DENND1A: variants seen among roughly 807,000 people sequenced by gnomAD.
The protein encoded by DENND1A is DENN domain-containing protein 1A.
Under a neutral mutation model 113.7 loss-of-function variants are expected in DENND1A, and 51 were observed. That is an observed-to-expected ratio of 0.45 (90% CI 0.36 to 0.57). The LOEUF (loss-of-function observed/expected upper bound fraction) is 0.57, where lower values mean the gene tolerates loss of function less well. DENND1A is among the 20% of genes least tolerant of loss of function. The probability of loss-of-function intolerance (pLI) is 0.00; values close to 1 mark genes in which losing one functional copy is unlikely to be tolerated. For missense variants in DENND1A, 1,258 were observed against 1,395.9 expected (o/e 0.90, Z 1.57); for synonymous variants, 565 against 570.8 (o/e 0.99, Z 0.14).
At chr9:123,533,512 C>T (rs1211110215) in intron 13 of DENND1A, among the ~76,000 whole-genome samples, 1 of 152,174 alleles carries the variant, frequency 6.6e-6, no homozygotes, top group Non-Finnish European at 1.5e-5. Flanking sequence ...CCATTTGCTG[C>T]ACATCCATGG....
chr9:123,402,517 T>TC, intron 21 of DENND1A: 2 of 534,736 alleles, frequency 3.7e-6, no homozygotes, highest in South Asian at 2.8e-5. Context: ...CATGGGGGCC[T>TC]CCCCCTTTCC....
chr9:123,678,626 A>G (rs2064245834), intron 5 of DENND1A, among the ~76,000 whole-genome samples: 1 of 152,382 alleles, frequency 6.6e-6, no homozygotes, highest in African/African-American at 2.4e-5. Flanking sequence ...GGCAACAAAG[A>G]GAACAGATAA....
At chr9:123,426,106 G>A (rs1015187102) in intron 19 of DENND1A, among the ~76,000 whole-genome samples, 4 of 152,208 alleles carry the variant, frequency 2.6e-5, no homozygotes, top group Non-Finnish European at 4.4e-5. Flanking sequence ...GCCTAGCTGT[G>A]GTCAGGGTGG....
chr9:123,494,525 G>T lies in DENND1A; in HGVS notation c.994-36628C>A, dbSNP rs538145084. 1.6e-3 allele frequency among the ~76,000 whole-genome samples: 236 copies of T among 152,250 alleles called. 1 individual carries two copies. Among genetic ancestry groups the T allele is most frequent in the African/African-American group, 5.6e-3 (232 of 41,544 alleles). ...TTTTCCAGAGCCTCTTAGGAGCCTT[G>T]GTCAGGGGTGGCTCAAGGTTACAGA... On this transcript the variant is annotated intron_variant, in intron 13 of 23. Coordinates refer to ENST00000394215, the MANE Select transcript of DENND1A (RefSeq NM_001352964.2).
At chr9:123,658,345 C>G (rs1401726189) in intron 8 of DENND1A, among the ~76,000 whole-genome samples, 1 of 152,268 alleles carries the variant, frequency 6.6e-6, no homozygotes, top group African/African-American at 2.4e-5. Context: ...ATTATTACTA[C>G]ATAACTGTTC....
chr9:123,546,949 A>G (rs535933149), intron 13 of DENND1A, among the ~76,000 whole-genome samples: 1 of 152,358 alleles, frequency 6.6e-6, no homozygotes, highest in African/African-American at 2.4e-5. Flanking sequence ...GATTGATCAT[A>G]GTGTTTAAGT....
chr9:123,748,419 C>A (rs924177213), intron 5 of DENND1A, among the ~76,000 whole-genome samples: 1 of 152,112 alleles, frequency 6.6e-6, no homozygotes, highest in African/African-American at 2.4e-5. Context: ...GTAGAGTCTT[C>A]AAACTTCTTC....
At chr9:123,637,866 T>A (rs2061786116) in intron 9 of DENND1A, among the ~76,000 whole-genome samples, 1 of 151,916 alleles carries the variant, frequency 6.6e-6, no homozygotes, top group African/African-American at 2.4e-5. Context: ...GAACTCATCT[T>A]ACTTTTTTCC....
intron 6 of DENND1A, among the ~76,000 whole-genome samples, chr9:123,673,527 T>C (rs1027825896): frequency 1.3e-5 from 2 of 152,236 alleles, no homozygotes; most frequent in Non-Finnish European, 2.9e-5. Context: ...AATCAGGTTA[T>C]TTCTTCAATG....
intron 13 of DENND1A, among the ~76,000 whole-genome samples, chr9:123,533,342 G>T (rs1023823611): frequency 1.3e-5 from 2 of 152,188 alleles, no homozygotes; most frequent in Admixed American, 6.5e-5. Context: ...AAATAAAAAG[G>T]CACAAATTCA....
chr9:123,869,697 T>C lies in DENND1A; in HGVS notation c.88+9254A>G, dbSNP rs1009129466. ...AGTGAGTGGCAATTTGTCCCAACTA[T>C]AGTATCAAGAATCAGGGTCCAGGCC... On this transcript the variant is annotated intron_variant, in intron 2 of 23. Transcript: ENST00000394215. Among the ~76,000 whole-genome samples the C allele has an allele frequency of 3.3e-5, 5 of 152,164 alleles. 1 individual carries two copies. The South Asian group carries it at 1.0e-3, about 32-fold the overall frequency.
At chr9:123,466,281 G>A (rs986001093) in intron 13 of DENND1A, among the ~76,000 whole-genome samples, 2 of 152,082 alleles carry the variant, frequency 1.3e-5, no homozygotes, top group African/African-American at 2.4e-5. Context: ...ACAAGCATGA[G>A]CCACCGTGCC....
intron 1 of DENND1A, among the ~76,000 whole-genome samples, chr9:123,889,497 T>TA (rs1156540982): frequency 2.6e-5 from 4 of 152,254 alleles, no homozygotes; most frequent in Non-Finnish European, 4.4e-5. Flanking sequence ...ATACCGTCAC[T>TA]AAAAGCAATC....
At chr9:123,834,894 T>C (rs1222434270) in intron 2 of DENND1A, among the ~76,000 whole-genome samples, 1 of 152,218 alleles carries the variant, frequency 6.6e-6, no homozygotes, top group African/African-American at 2.4e-5. Context: ...TTCCATGTTT[T>C]AACACATTTA....
chr9:123,884,660 T>G (rs1485665677), intron 1 of DENND1A, among the ~76,000 whole-genome samples: 1 of 152,118 alleles, frequency 6.6e-6, no homozygotes, highest in Non-Finnish European at 1.5e-5. Context: ...ACTTACTGCT[T>G]CCTATGTGCC....
intron 6 of DENND1A, among the ~76,000 whole-genome samples, chr9:123,672,886 C>T (rs555234232): frequency 1.3e-5 from 2 of 152,198 alleles, no homozygotes; most frequent in Admixed American, 1.3e-4. Flanking sequence ...GAAATTAACA[C>T]TGATGCAGAA....
chr9:123,664,717 A>C (rs896429718), intron 8 of DENND1A, among the ~76,000 whole-genome samples: 1 of 152,202 alleles, frequency 6.6e-6, no homozygotes, highest in Non-Finnish European at 1.5e-5. Context: ...AAATAGATGA[A>C]TATTTTTAAA....
chr9:123,772,402 A>T (rs1356144774), intron 3 of DENND1A, among the ~76,000 whole-genome samples: 1 of 152,202 alleles, frequency 6.6e-6, no homozygotes, highest in Non-Finnish European at 1.5e-5. Context: ...GTCATTAACC[A>T]GTTACCAACC....
rs182498595 is a variant in DENND1A at position 123,421,460 on chromosome 9, G to A, written c.1489-9631C>T. Among the ~76,000 whole-genome samples, 56 of 152,132 alleles carry A rather than the reference G, an allele frequency of 3.7e-4. No homozygotes were observed. The East Asian group carries it at 9.3e-3, about 25-fold the overall frequency. ...TGTTAAAACGTATCTCCTCGGGTCCGCTCCTCTCTCTCCCCAGAAAGTCCT... is the reference window on the plus strand; with the variant it reads ...TGTTAAAACGTATCTCCTCGGGTCCACTCCTCTCTCTCCCCAGAAAGTCCT... On this transcript the variant is annotated intron_variant, in intron 19 of 23. Transcript: ENST00000394215.
Sources: gnomAD v4.1 joint callset for allele counts (sites outside exome capture counted in the v4.1 genomes callset) on GRCh38, gnomAD v4.1.1 for gene constraint, MANE v1.5 for transcripts, NCBI Gene and HGNC (gene_info 2026-07-23, HGNC 2026-07-21) for gene names.